The following AGMO variants were observed in gnomAD, a reference collection of about 807,000 sequenced individuals.
AGMO encodes the protein glyceryl-ether monooxygenase.
In AGMO, 75 loss-of-function variants were observed where a neutral mutation model predicts 60.2. The observed-to-expected ratio is 1.25, with a 90% CI of 1.03 to 1.51. AGMO has a LOEUF of 1.51. AGMO is among the 40% of genes most tolerant of loss of function. AGMO has a pLI of 0.00. For synonymous variants in AGMO, 261 were observed against 177.1 expected (o/e 1.47, Z -3.76); for missense variants, 763 against 525.5 (o/e 1.45, Z -4.42).
chr7:15,272,082 T>C (rs1477185371), intron 12 of AGMO, among the ~76,000 whole-genome samples: 21 of 152,090 alleles, frequency 1.4e-4, no homozygotes, highest in Admixed American at 1.4e-3. Flanking sequence ...ACTTTGCTAG[T>C]ATTTTGTTGA....
At chr7:15,229,698 T>TA (rs1782196094) in intron 12 of AGMO, among the ~76,000 whole-genome samples, 2 of 141,100 alleles carry the variant, frequency 1.4e-5, no homozygotes, top group East Asian at 3.9e-4. Flanking sequence ...ATATAACTAA[T>TA]TATTTATATA....
chr7:15,344,753 G>A (rs752773024), intron 12 of AGMO, among the ~76,000 whole-genome samples: 70 of 152,100 alleles, frequency 4.6e-4, no homozygotes, highest in Non-Finnish European at 6.6e-4. Flanking sequence ...GCTCTCAAGA[G>A]AAGACTTTTC....
intron 3 of AGMO, among the ~76,000 whole-genome samples, chr7:15,507,659 T>A (rs1783553437): frequency 6.6e-6 from 1 of 152,122 alleles, no homozygotes; most frequent in African/African-American, 2.4e-5. Context: ...CCACAAGAAT[T>A]TTAAGACATT....
chr7:15,250,921 G>A (rs1230245385), intron 12 of AGMO, among the ~76,000 whole-genome samples: 4 of 151,382 alleles, frequency 2.6e-5, no homozygotes, highest in South Asian at 2.1e-4. Flanking sequence ...CTCCAGCCTA[G>A]GCAATAAGAG....
the AGMO span, among the ~76,000 whole-genome samples, chr7:15,179,581 A>G: frequency 1.3e-5 from 2 of 152,228 alleles, no homozygotes; most frequent in African/African-American, 4.8e-5. Flanking sequence ...CTTTAGTTTC[A>G]CTGGGCTCAG....
chr7:15,323,844 G>A (rs1337096547), intron 12 of AGMO, among the ~76,000 whole-genome samples: 2 of 152,164 alleles, frequency 1.3e-5, no homozygotes, highest in Non-Finnish European at 2.9e-5. Context: ...GACACGAGAT[G>A]TTGCCAAATC....
At chr7:15,531,502 ATATATATT>A (rs1784352602) in intron 3 of AGMO, among the ~76,000 whole-genome samples, 1 of 41,478 alleles carries the variant, frequency 2.4e-5, no homozygotes, top group Non-Finnish European at 4.2e-5. Context: ...TATATATTCT[ATATATATT>A]CTCTATATAT....
chr7:15,182,217 T>TA, the AGMO span, among the ~76,000 whole-genome samples: 1 of 152,024 alleles, frequency 6.6e-6, no homozygotes, highest in Admixed American at 6.6e-5. Flanking sequence ...AGTGGGGAGT[T>TA]AGTGTTTAAT....
chr7:15,465,583 G>A lies in AGMO; in HGVS notation c.410-34475C>T, dbSNP rs574449279. On this transcript the variant is annotated intron_variant, in intron 3 of 12. Transcript: ENST00000342526. ...ACCACAGGCACGTGCTACCACGTCC[G>A]GCTAATTATATATATATATTTATAT... 3.7e-5 allele frequency among the ~76,000 whole-genome samples: 5 copies of A among 136,574 alleles called. No homozygotes were observed. In the East Asian group the frequency reaches 8.3e-4, roughly 23 times the overall value. The allele number at this position is 136,574 out of a possible 152,430, so 89.6% of individuals were successfully genotyped here.
chr7:15,316,494 C>T (rs902012392), intron 12 of AGMO, among the ~76,000 whole-genome samples: 2 of 152,150 alleles, frequency 1.3e-5, no homozygotes, highest in Non-Finnish European at 2.9e-5. Context: ...CTGGCACAGG[C>T]TGTGTGGGCT....
intron 12 of AGMO, among the ~76,000 whole-genome samples, chr7:15,264,598 A>C (rs1477010184): frequency 6.6e-6 from 1 of 152,102 alleles, no homozygotes; most frequent in Non-Finnish European, 1.5e-5. Flanking sequence ...AAACCAAAAA[A>C]TCCAATTAAA....
At chr7:15,482,036 G>C (rs924182672) in intron 3 of AGMO, among the ~76,000 whole-genome samples, 12 of 151,744 alleles carry the variant, frequency 7.9e-5, no homozygotes, top group African/African-American at 2.9e-4. Context: ...TTCTCTGAGG[G>C]TCATTTGTAC....
chr7:15,315,659 GAAAC>G (rs1210802553), intron 12 of AGMO, among the ~76,000 whole-genome samples: 1 of 151,982 alleles, frequency 6.6e-6, no homozygotes, highest in Non-Finnish European at 1.5e-5. Flanking sequence ...TTTAGCAACA[GAAAC>G]AAACAGAAAA....
chr7:15,183,559 T>C, the AGMO span, among the ~76,000 whole-genome samples: 32 of 152,218 alleles, frequency 2.1e-4, no homozygotes, highest in African/African-American at 7.2e-5. Context: ...TCTAAGATTC[T>C]AGAGTCAACA....
chr7:15,426,675 G>T (rs538903651), intron 4 of AGMO, among the ~76,000 whole-genome samples: 1 of 152,260 alleles, frequency 6.6e-6, no homozygotes, highest in South Asian at 2.1e-4. Flanking sequence ...CTTGAACCCA[G>T]GAGGTGGAGG....
At chr7:15,477,053 G>C (rs1436782083) in intron 3 of AGMO, among the ~76,000 whole-genome samples, 2 of 151,926 alleles carry the variant, frequency 1.3e-5, no homozygotes, top group Non-Finnish European at 2.9e-5. Flanking sequence ...TTCATTGAAT[G>C]GCATCAGTTT....
At chr7:15,435,849 A>C (rs999874130) in intron 3 of AGMO, among the ~76,000 whole-genome samples, 5 of 152,210 alleles carry the variant, frequency 3.3e-5, no homozygotes, top group African/African-American at 1.2e-4. Flanking sequence ...CATATATTAA[A>C]TATCTAAAAT....
intron 3 of AGMO, among the ~76,000 whole-genome samples, chr7:15,531,095 C>CTG (rs1784317536): frequency 8.1e-5 from 1 of 12,352 alleles, no homozygotes; most frequent in Non-Finnish European, 1.4e-4. Context: ...TATATATATT[C>CTG]TATATATATT....
rs569380396 is a variant in AGMO at position 15,466,073 on chromosome 7, G to A, written c.410-34965C>T. On this transcript the variant is annotated intron_variant, in intron 3 of 12. Coordinates refer to ENST00000342526, the MANE Select transcript of AGMO (RefSeq NM_001004320.2). The stretch of plus-strand genomic sequence containing the variant: ...AAGGGACCAAAATCTTGGTCCTTAG[G>A]GATCTCATGTTTTATTTTTCTGAAG... 3.9e-5 allele frequency among the ~76,000 whole-genome samples: 6 copies of A among 152,188 alleles called. No individual in the cohort carries two copies. In the South Asian group the frequency reaches 1.2e-3, roughly 32 times the overall value.
Sources: allele counts gnomAD v4.1 joint callset (sites outside exome capture counted in the v4.1 genomes callset), GRCh38; gene constraint gnomAD v4.1.1; transcripts MANE v1.5; gene names NCBI Gene and HGNC (gene_info 2026-07-23, HGNC 2026-07-21).